Variants in SEH1L observed in about 807,000 individuals in gnomAD.
SEH1L encodes nucleoporin SEH1.
Under a neutral mutation model 49.5 loss-of-function variants are expected in SEH1L, and 18 were observed. That is an observed-to-expected ratio of 0.36 (90% CI 0.25 to 0.54). The LOEUF (loss-of-function observed/expected upper bound fraction) is 0.54, where lower values mean the gene tolerates loss of function less well. Ranked by LOEUF, SEH1L falls within the 20% of genes least tolerant of loss-of-function variation. SEH1L has a pLI of 0.87. For missense variants in SEH1L, 404 were observed against 528.8 expected, an observed-to-expected ratio of 0.76 and a Z score of 2.31; for synonymous variants, 169 against 178.1, an observed-to-expected ratio of 0.95 and a Z score of 0.41.
intron 8 of SEH1L, chr18:12,986,446 G>C (rs2032461210): frequency 2.0e-6 from 2 of 986,090 alleles, no homozygotes; most frequent in African/African-American, 3.5e-5. Flanking sequence ...AAAAATGTGT[G>C]CTTGCTGCTG....
intron 4 of SEH1L, 43 bp downstream of exon 4, chr18:12,963,414 A>C: frequency 7.0e-7 from 1 of 1,437,756 alleles, no homozygotes; most frequent in Non-Finnish European, 9.8e-7. Context: ...CTAGTAAAAT[A>C]AACTAGTAAC....
intron 3 of SEH1L, among the ~76,000 whole-genome samples, chr18:12,958,001 G>A (rs554695889): frequency 6.6e-6 from 1 of 151,130 alleles, no homozygotes; most frequent in South Asian, 2.1e-4. Context: ...GAGCCACTAC[G>A]AGGGCCATGA....
intron 2 of SEH1L, among the ~76,000 whole-genome samples, chr18:12,953,485 C>T (rs138814726): frequency 1.8e-4 from 28 of 152,284 alleles, no homozygotes; most frequent in Admixed American, 9.2e-4. Flanking sequence ...TACATCCTCA[C>T]CTACACTCGA....
chr18:12,961,034 G>T lies in SEH1L; in HGVS notation c.310-2126G>T, dbSNP rs563951462. On this transcript the variant is annotated intron_variant, in intron 3 of 8. Coordinates refer to ENST00000399892, the MANE Select transcript of SEH1L (RefSeq NM_001013437.2). Reference sequence around the variant, plus strand: ...CATGGTTTGATCTTGGACTTGGGTTGTTACACGTTGGCATGCTTCCCAGGG... The same window carrying T: ...CATGGTTTGATCTTGGACTTGGGTTTTTACACGTTGGCATGCTTCCCAGGG... 1.2e-4 allele frequency among the ~76,000 whole-genome samples: 19 copies of T among 152,326 alleles called. 1 individual carries two copies. In the South Asian group the frequency reaches 3.9e-3, roughly 32 times the overall value.
chr18:12,957,606 A>G (rs1282631633), intron 3 of SEH1L, among the ~76,000 whole-genome samples: 1 of 152,208 alleles, frequency 6.6e-6, no homozygotes, highest in Non-Finnish European at 1.5e-5. Context: ...GCATTTTCAT[A>G]TGAAGGTATT....
chr18:12,980,033 C>T (rs2032122178), intron 6 of SEH1L, among the ~76,000 whole-genome samples: 1 of 113,108 alleles, frequency 8.8e-6, no homozygotes, highest in African/African-American at 3.4e-5. Context: ...GGACGGGCGG[C>T]TGACCCCCCC....
At chr18:12,950,197 C>G (rs761514619) in intron 1 of SEH1L, among the ~76,000 whole-genome samples, 6 of 151,824 alleles carry the variant, frequency 4.0e-5, no homozygotes, top group African/African-American at 7.3e-5. Flanking sequence ...CCACGCCTGG[C>G]CAATTAAAAC....
chr18:12,958,673 ATTAAC>A (rs943618617), intron 3 of SEH1L, among the ~76,000 whole-genome samples: 1 of 152,144 alleles, frequency 6.6e-6, no homozygotes, highest in African/African-American at 2.4e-5. Flanking sequence ...TGTAGCATAT[ATTAAC>A]TTTATTCCTT....
At chr18:12,972,731 G>A (rs1040891628) in intron 5 of SEH1L, 13 of 152,216 alleles carry the variant, frequency 8.5e-5, no homozygotes, top group Non-Finnish European at 1.8e-4. Context: ...CTGTCCAGTA[G>A]AATGTGCTGC....
rs1354192535 is a variant in SEH1L at position 12,981,846 on chromosome 18, G to T, written c.762-672G>T. ...TTCATTCTTTCCTACTTGCTGCCCTGCCCATTTTTTTTTTTTTTTTTTTTT... is the reference window on the plus strand; with the variant it reads ...TTCATTCTTTCCTACTTGCTGCCCTTCCCATTTTTTTTTTTTTTTTTTTTT... On this transcript the variant is annotated intron_variant, in intron 6 of 8. Transcript: ENST00000399892. 8.3e-5 allele frequency among the ~76,000 whole-genome samples: 8 copies of T among 96,598 alleles called. 4 individuals are homozygous for T. The highest frequency in any genetic ancestry group is 1.7e-4 in the Non-Finnish European group (8 of 48,026). The allele number at this position is 96,598 out of a possible 152,430, so 63.4% of individuals were successfully genotyped here.
intron 6 of SEH1L, 110 bp downstream of exon 6, chr18:12,979,002 G>T (rs1031464423): frequency 1.4e-5 from 14 of 1,018,388 alleles, no homozygotes; most frequent in African/African-American, 6.5e-5. Flanking sequence ...TTTCTGCTCT[G>T]GAAGTTTTAC....
intron 2 of SEH1L, 64 bp downstream of exon 2, chr18:12,951,969 C>G: frequency 1.1e-6 from 1 of 913,102 alleles, no homozygotes; most frequent in Admixed American, 2.6e-5. Context: ...TTATAGTTAT[C>G]TATGAATTGT....
In SEH1L at chr18:12,987,068, T is replaced by G; in HGVS notation, c.*11T>G. 6.4e-7 allele frequency: 1 copy of G among 1,562,904 alleles called. No homozygotes were observed. The highest frequency in any genetic ancestry group is 8.7e-7 in the Non-Finnish European group (1 of 1,143,366). On this transcript the variant is annotated 3_prime_UTR_variant, in exon 9 of 9. Coordinates refer to ENST00000399892, the MANE Select transcript of SEH1L (RefSeq NM_001013437.2). ...AATGAAGGGATTTAAAACACTGATT[T>G]AACATTGAAAGGCCTTATTCAAGTG...
rs1230990600 is a variant in SEH1L, at chr18:12,986,159, TTTAAA to T, written c.1071-698_1071-694del. 48 of 984,226 alleles carry T rather than the reference TTTAAA, an allele frequency of 4.9e-5. No homozygotes were observed. In the African/African-American group the frequency reaches 8.2e-4, roughly 17 times the overall value. The allele number at this position is 984,226 out of a possible 1,614,324, so 61.0% of individuals were successfully genotyped here. A position where few individuals can be genotyped will look rare whatever the true frequency, so the allele number is the denominator to read the frequency against. ...AAGATTTTCTTAATTTAGTTCGCTG[TTTAAA>T]TTAATTCATGTCCTGTAAAGTTCTG... On this transcript the variant is annotated intron_variant, in intron 8 of 8. Transcript: ENST00000399892.
At chr18:12,981,120 A>C (rs1598980075) in intron 6 of SEH1L, among the ~76,000 whole-genome samples, 2 of 151,944 alleles carry the variant, frequency 1.3e-5, no homozygotes, top group African/African-American at 4.8e-5. Flanking sequence ...GGCCGGGCAG[A>C]GATGCTCCCC....
At chr18:12,957,662 A>G (rs779605618) in intron 3 of SEH1L, among the ~76,000 whole-genome samples, 1 of 152,158 alleles carries the variant, frequency 6.6e-6, no homozygotes, top group Non-Finnish European at 1.5e-5. Context: ...GTTTTTTGTA[A>G]TAGATAATCA....
intron 8 of SEH1L, chr18:12,985,777 G>C (rs1347540147): frequency 2.1e-6 from 2 of 947,622 alleles, no homozygotes; most frequent in Middle Eastern, 5.4e-4. Context: ...ATGATATTCA[G>C]TACAACTCTG....
At chr18:12,956,159 C>G (rs2030843773) in intron 3 of SEH1L, among the ~76,000 whole-genome samples, 1 of 151,912 alleles carries the variant, frequency 6.6e-6, no homozygotes, top group Admixed American at 6.5e-5. Flanking sequence ...ATTCTCCTAC[C>G]TCAGCCTCCT....
chr18:12,954,785 A>G (rs1018980318), intron 2 of SEH1L, among the ~76,000 whole-genome samples: 2 of 152,236 alleles, frequency 1.3e-5, no homozygotes, highest in Non-Finnish European at 2.9e-5. Context: ...ATGAAAAAAA[A>G]GTATTTTTTT....
Sources: gnomAD v4.1 joint callset for allele counts (sites outside exome capture counted in the v4.1 genomes callset) on GRCh38, gnomAD v4.1.1 for gene constraint, MANE v1.5 for transcripts, NCBI Gene and HGNC (gene_info 2026-07-23, HGNC 2026-07-21) for gene names.